Variants in CD101 observed in about 807,000 individuals in gnomAD.
CD101 encodes immunoglobulin superfamily member 2.
In CD101, 76 loss-of-function variants were observed where a neutral mutation model predicts 98.2. The ratio of observed to expected loss-of-function variants is 0.77; its 90% CI spans 0.64 to 0.94. The LOEUF (loss-of-function observed/expected upper bound fraction) is 0.94. CD101 is among the 40% of genes least tolerant of loss of function. CD101 has a pLI of 0.00. For synonymous variants in CD101, 471 were observed against 472.7 expected, an observed-to-expected ratio of 1.00 and a Z score of 0.05; for missense variants, 1,145 against 1,218.8, an observed-to-expected ratio of 0.94 and a Z score of 0.90.
At chr1:117,024,255 T>C (rs2101142930) in intron 7 of CD101, among the ~76,000 whole-genome samples, 1 of 152,294 alleles carries the variant, frequency 6.6e-6, no homozygotes, top group East Asian at 1.9e-4. Flanking sequence ...GGTGGGCGGA[T>C]CACCTGAGGT....
intron 1 of CD101, among the ~76,000 whole-genome samples, chr1:117,007,950 G>C (rs573522878): frequency 6.6e-6 from 1 of 152,260 alleles, no homozygotes; most frequent in African/African-American, 2.4e-5. Flanking sequence ...GAGCAGTGTA[G>C]CTGTGCATAT....
Position 117,011,651 on chromosome 1 carries a change from C to T in CD101, c.526C>T (p.Gln176Ter). The T allele has an allele frequency of 1.2e-6, 2 of 1,614,146 alleles. No individual in the cohort carries two copies. The highest frequency in any genetic ancestry group is 2.2e-5 in the East Asian group (1 of 44,884). Residue 176 changes from glutamine (Q) to a stop codon, truncating the protein, a stop_gained, in exon 3 of 10, where the codon CAA becomes TAA. Coordinates refer to ENST00000682167, the MANE Select transcript of CD101 (RefSeq NM_001256106.3). LOFTEE classifies it high-confidence loss of function. Reference sequence around the variant, plus strand: ...CTGTGAGGCATCCAAAGCCACAGCCCAACATACTCACCTCTCTGTCACCTG... The same window carrying T: ...CTGTGAGGCATCCAAAGCCACAGCCTAACATACTCACCTCTCTGTCACCTG... The part of the protein sequence containing the change: ...LTCEASKATA[Q>*]HTHLSVTWYL...
Position 117,021,539 on chromosome 1 carries a change from T to A in CD101, c.2018-34T>A, listed in dbSNP as rs983996674. 6.6e-7 allele frequency: 1 copy of A among 1,522,550 alleles called. No homozygotes were observed. The highest frequency in any genetic ancestry group is 1.4e-5 in the African/African-American group (1 of 71,786). 94.3% of individuals were successfully genotyped at this position (1,522,550 alleles called of 1,614,324 possible). A position where few individuals can be genotyped will look rare whatever the true frequency, so the allele number is the denominator to read the frequency against. ...TCTACTACCTTAACTTTCTATTTCA[T>A]AGCAAAGTAACTGTTTCATTTTTTT... On this transcript the variant is annotated intron_variant, in intron 6 of 9. Transcript: ENST00000682167. The surrounding 1 kb of genome is among the most constrained non-coding windows in gnomAD (Gnocchi z 4.7).
rs1652777424 is a variant in CD101, at chr1:117,009,902, T to C, written c.96T>C (p.Phe32=). The C allele has an allele frequency of 1.9e-6, 3 of 1,613,854 alleles. No individual in the cohort carries two copies. Among genetic ancestry groups the C allele is most frequent in the African/African-American group, 1.3e-5 (1 of 75,046 alleles). Residue 32 remains phenylalanine, a synonymous_variant, in exon 2 of 10, where the codon TTT becomes TTC. Coordinates refer to ENST00000682167, the MANE Select transcript of CD101 (RefSeq NM_001256106.3). The part of the protein sequence containing the change: ...REVTVQKGPL[F]RAEGYPVSIG... The stretch of plus-strand genomic sequence containing the variant: ...TAACAGTTCAGAAAGGACCACTGTT[T>C]AGAGCTGAAGGTTACCCAGTCAGCA...
chr1:117,011,818 A>T lies in CD101; in HGVS notation c.693A>T (p.Thr231=). Residue 231 remains threonine, a synonymous_variant, in exon 3 of 10, where the codon ACA becomes ACT. Transcript: ENST00000682167. Reference sequence around the variant, plus strand: ...AGCTCAACAAACTGGGACCCACTACATTCAGGCTGTCCATAGAGAGGCTCC... The same window carrying T: ...AGCTCAACAAACTGGGACCCACTACTTTCAGGCTGTCCATAGAGAGGCTCC... ...DVQLNKLGPT[T]FRLSIERLQS... is the part of the protein sequence containing the mutation. 6.2e-7 allele frequency: 1 copy of T among 1,614,154 alleles called. No individual in the cohort carries two copies. Among genetic ancestry groups the T allele is most frequent in the Non-Finnish European group, 8.5e-7 (1 of 1,180,022 alleles).
At chr1:117,001,882 G>C (rs1254892167) in intron 1 of CD101, 22 bp downstream of exon 1, 1 of 1,612,812 alleles carries the variant, frequency 6.2e-7, no homozygotes, top group Non-Finnish European at 8.5e-7. Flanking sequence ...AATCCTTTAT[G>C]TTTCTCTTGT....
chr1:117,021,813 C>A lies in CD101; in HGVS notation c.2258C>A (p.Thr753Asn), dbSNP rs2101138177. The change falls in exon 7 of 10, where the codon ACT becomes AAT. Residue 753 changes from threonine (T) to asparagine (N), a missense_variant. Transcript: ENST00000682167. The surrounding 1 kb of genome is among the most constrained non-coding windows in gnomAD (Gnocchi z 4.7). ...CCACAGAGAAAACAAAAATTTCATACTGAGAAGGTTTCCCAAGACTTATTT... is the reference window on the plus strand; with the variant it reads ...CCACAGAGAAAACAAAAATTTCATAATGAGAAGGTTTCCCAAGACTTATTT... ...HTPQRKQKFHTEKVSQDLFQL... is the reference protein window; with the variant it reads ...HTPQRKQKFHNEKVSQDLFQL... 1 of 1,614,172 alleles carries A rather than the reference C, an allele frequency of 6.2e-7. No homozygotes were observed. Among genetic ancestry groups the A allele is most frequent in the East Asian group, 2.2e-5 (1 of 44,876 alleles).
chr1:117,018,225 C>A lies in CD101; in HGVS notation c.1682C>A (p.Ser561Tyr). 1 of 1,614,146 alleles carries A rather than the reference C, an allele frequency of 6.2e-7. No homozygotes were observed. Among genetic ancestry groups the A allele is most frequent in the Non-Finnish European group, 8.5e-7 (1 of 1,180,014 alleles). ...QVMLTNTFDL[S>Y]CVVRAGYSDL... The stretch of plus-strand genomic sequence containing the variant: ...ATGTTAACCAACACCTTTGACCTGT[C>A]CTGTGTCGTGAGGGCCGGTTACTCT... Residue 561 changes from serine (S) to tyrosine (Y), a missense_variant, in exon 6 of 10, where the codon TCC becomes TAC. Physicochemically the swap from Ser to Tyr is moderately radical, Grantham distance 144. Transcript: ENST00000682167. The surrounding 1 kb of genome is among the most constrained non-coding windows in gnomAD (Gnocchi z 4.3).
chr1:117,027,791 A>C (rs1253978004), intron 8 of CD101, among the ~76,000 whole-genome samples: 2 of 152,224 alleles, frequency 1.3e-5, no homozygotes, highest in Admixed American at 6.5e-5. Context: ...CCCACATTAA[A>C]ATGAATTGGA....
intron 4 of CD101, among the ~76,000 whole-genome samples, chr1:117,016,735 G>A (rs1025780024): frequency 6.6e-6 from 1 of 152,162 alleles, no homozygotes; most frequent in Non-Finnish European, 1.5e-5. Flanking sequence ...GCACGTGCCT[G>A]TAGTCCCAGC....
In CD101 at chr1:117,013,654, ATCT is replaced by A. The variant is rs771227499; in HGVS notation, c.1094_1096del (p.Phe365del). ...AGGCCCCAAGGCTTTCTCTCTCAAG[ATCT>A]TCTCTCTGGGCCCAGAGGATGAAGG... On this transcript the variant is annotated inframe_deletion, in exon 4 of 10. Coordinates refer to ENST00000682167, the MANE Select transcript of CD101 (RefSeq NM_001256106.3). 12 of 1,614,082 alleles carry A rather than the reference ATCT, an allele frequency of 7.4e-6. No individual in the cohort carries two copies. Among genetic ancestry groups the A allele is most frequent in the South Asian group, 3.3e-5 (3 of 91,078 alleles).
chr1:117,007,151 TTTTAAAATAAA>T (rs1053360290), intron 1 of CD101, among the ~76,000 whole-genome samples: 2 of 152,122 alleles, frequency 1.3e-5, no homozygotes, highest in African/African-American at 4.8e-5. Context: ...TTTAAAATAA[TTTTAAAATAAA>T]TTTAAAATTT....
chr1:117,016,895 G>A (rs913071953), intron 4 of CD101, among the ~76,000 whole-genome samples, 195 bp from the exon 5 acceptor site: 3 of 152,148 alleles, frequency 2.0e-5, no homozygotes, highest in African/African-American at 4.8e-5. Flanking sequence ...TACATCCTCC[G>A]ATATTCTTTC....
In CD101 at chr1:117,012,829, A is replaced by G. The variant is rs1479192368; in HGVS notation, c.842-577A>G. Among the ~76,000 whole-genome samples the G allele has an allele frequency of 6.6e-6, 1 of 152,182 alleles. No individual in the cohort carries two copies. Among genetic ancestry groups the G allele is most frequent in the Non-Finnish European group, 1.5e-5 (1 of 68,034 alleles). ...AAGTGGTTGCTAAACCATATACTGTATATGCATTGCTAAAAGCAATGATCC... is the reference window on the plus strand; with the variant it reads ...AAGTGGTTGCTAAACCATATACTGTGTATGCATTGCTAAAAGCAATGATCC... On this transcript the variant is annotated intron_variant, in intron 3 of 9. Transcript: ENST00000682167. This position sits in a 1 kb window ranked among gnomAD's most constrained non-coding sequence, Gnocchi z 4.0.
chr1:117,001,945 C>A, intron 1 of CD101, 85 bp downstream of exon 1: 1 of 1,297,710 alleles, frequency 7.7e-7, no homozygotes, highest in Non-Finnish European at 1.1e-6. Context: ...ACAATTTGGT[C>A]TCTACAGGAA....
intron 8 of CD101, chr1:117,026,683 A>G (rs1257525092): frequency 6.6e-6 from 1 of 152,236 alleles, no homozygotes; most frequent in Admixed American, 6.5e-5. Context: ...GTCTGTGATG[A>G]AAAGCGTATC....
chr1:117,029,188 AAAGAAAG>A (rs1463954800), intron 8 of CD101, among the ~76,000 whole-genome samples: 6 of 76,018 alleles, frequency 7.9e-5, no homozygotes, highest in African/African-American at 3.6e-4. Context: ...AGAAAGAAAG[AAAGAAAG>A]AAAGAAAGAA....
chr1:117,007,342 C>T (rs900461806), intron 1 of CD101, among the ~76,000 whole-genome samples: 1 of 151,822 alleles, frequency 6.6e-6, no homozygotes, highest in South Asian at 2.1e-4. Context: ...TTCATGATAA[C>T]CACTTCCTAG....
Position 117,019,708 on chromosome 1 carries a change from C to G in CD101, c.2017+1148C>G, listed in dbSNP as rs1476039828. 6.6e-6 allele frequency among the ~76,000 whole-genome samples: 1 copy of G among 152,158 alleles called. No individual in the cohort carries two copies. Among genetic ancestry groups the G allele is most frequent in the African/African-American group, 2.4e-5 (1 of 41,442 alleles). ...TATCTTGACCAATTTCTCTTCTGAT[C>G]TCCAGACTCGTATATCCAGCTGTCT... is the stretch of plus-strand genomic sequence containing the variant. On this transcript the variant is annotated intron_variant, in intron 6 of 9. Coordinates refer to ENST00000682167, the MANE Select transcript of CD101 (RefSeq NM_001256106.3). This position sits in a 1 kb window ranked among gnomAD's most constrained non-coding sequence, Gnocchi z 4.3.
Sources: gnomAD v4.1 joint callset for allele counts (sites outside exome capture counted in the v4.1 genomes callset) on GRCh38, gnomAD v4.1.1 for gene constraint, Gnocchi (gnomAD v3.1) non-coding constraint, MANE v1.5 for transcripts, NCBI Gene and HGNC (gene_info 2026-07-23, HGNC 2026-07-21) for gene names.